NRG1: variants seen among roughly 807,000 people sequenced by gnomAD.
NRG1 encodes pro-neuregulin-1, membrane-bound isoform.
Under a neutral mutation model 63.8 loss-of-function variants are expected in NRG1, and 18 were observed. The ratio of observed to expected loss-of-function variants is 0.28; its 90% confidence interval spans 0.19 to 0.42. NRG1 has a LOEUF of 0.42. Among genes scored for constraint, NRG1 ranks in the 10% least tolerant of loss-of-function variants. The probability of loss-of-function intolerance (pLI) is 1.00; values close to 1 mark genes in which losing one functional copy is unlikely to be tolerated. For synonymous variants in NRG1, 302 were observed against 301.3 expected, an observed-to-expected ratio of 1.00 and a Z score of -0.02; for missense variants, 762 against 814.7, an observed-to-expected ratio of 0.94 and a Z score of 0.79.
intron 6 of NRG1, among the ~76,000 whole-genome samples, chr8:32,736,674 AATG>A (rs1825149183): frequency 6.6e-6 from 1 of 152,202 alleles, no homozygotes; most frequent in Non-Finnish European, 1.5e-5. Context: ...TTCACTGTGG[AATG>A]ATGACTAGAG....
intron 1 of NRG1, among the ~76,000 whole-genome samples, chr8:31,715,298 T>C (rs948137401): frequency 2.0e-5 from 3 of 152,048 alleles, no homozygotes; most frequent in African/African-American, 7.2e-5. Flanking sequence ...TAGATTTAGG[T>C]CAGAGATTGA....
chr8:32,722,030 G>T lies in NRG1; in HGVS notation c.503-5919G>T, dbSNP rs895870441. The T allele has an allele frequency of 9.7e-6, 15 of 1,548,058 alleles. No homozygotes were observed. The Admixed American group carries it at 2.6e-4, about 27-fold the overall frequency. On this transcript the variant is annotated intron_variant, in intron 5 of 11. Coordinates refer to ENST00000356819, the Ensembl canonical transcript of NRG1. ...GCAGATTCCTAAACACATAAGCATT[G>T]AAGATATTACAGGTAAGGTTAAAAA... is the stretch of plus-strand genomic sequence containing the variant.
chr8:31,859,137 G>A (rs192889252), intron 1 of NRG1, among the ~76,000 whole-genome samples: 53 of 152,128 alleles, frequency 3.5e-4, no homozygotes, highest in Admixed American at 7.9e-4. Context: ...ATCTAAAACC[G>A]CAATTACTTT....
At chr8:32,563,272 C>T (rs1314993080) in intron 1 of NRG1, among the ~76,000 whole-genome samples, 1 of 152,104 alleles carries the variant, frequency 6.6e-6, no homozygotes, top group African/African-American at 2.4e-5. Context: ...TTTAGAAAGC[C>T]TAAGGTATTT....
intron 5 of NRG1, among the ~76,000 whole-genome samples, chr8:32,719,801 G>A (rs1164290932): frequency 6.6e-6 from 1 of 151,836 alleles, no homozygotes; most frequent in Non-Finnish European, 1.5e-5. Context: ...TGTTTGTCCT[G>A]TAAAGTTCTC....
chr8:31,987,940 G>A (rs1810379146), intron 1 of NRG1, among the ~76,000 whole-genome samples: 1 of 152,094 alleles, frequency 6.6e-6, no homozygotes, highest in South Asian at 2.1e-4. Context: ...AAAGGATTAT[G>A]CTGTGATCTG....
intron 1 of NRG1, among the ~76,000 whole-genome samples, chr8:31,652,811 T>G (rs759438789): frequency 3.3e-5 from 5 of 152,196 alleles, no homozygotes; most frequent in Non-Finnish European, 7.3e-5. Context: ...GTGAAAAGTG[T>G]TGTATAATAC....
At chr8:32,087,996 T>C (rs113993538) in intron 1 of NRG1, among the ~76,000 whole-genome samples, 12 of 152,258 alleles carry the variant, frequency 7.9e-5, no homozygotes, top group African/African-American at 2.9e-4. Flanking sequence ...ACTATGGCCA[T>C]TTCCTATTCC....
chr8:31,959,786 AT>A (rs373803364), intron 1 of NRG1, among the ~76,000 whole-genome samples: 3,811 of 131,194 alleles, frequency 0.029, 149 homozygotes, highest in African/African-American at 0.1. Context: ...CCGATTATTT[AT>A]TTATTTATTA....
intron 1 of NRG1, among the ~76,000 whole-genome samples, chr8:32,427,340 T>A (rs1817512735): frequency 6.6e-6 from 1 of 152,172 alleles, no homozygotes; most frequent in Non-Finnish European, 1.5e-5. Context: ...AGATCCTCCA[T>A]CTCCACTTGG....
intron 1 of NRG1, among the ~76,000 whole-genome samples, chr8:32,253,810 C>G (rs1849383108): frequency 6.6e-6 from 1 of 152,156 alleles, no homozygotes; most frequent in Non-Finnish European, 1.5e-5. Context: ...GGCTGTGAAT[C>G]TGTCTGGTCT....
At chr8:32,732,776 G>A (rs1824017829) in intron 6 of NRG1, among the ~76,000 whole-genome samples, 1 of 146,814 alleles carries the variant, frequency 6.8e-6, no homozygotes, top group South Asian at 2.2e-4. Flanking sequence ...TGTTTTAACA[G>A]ACTGTGTTAT....
chr8:32,449,226 G>A (rs1242944581), intron 1 of NRG1, among the ~76,000 whole-genome samples: 5 of 152,098 alleles, frequency 3.3e-5, no homozygotes, highest in Non-Finnish European at 7.3e-5. Context: ...GAGCCTAGGA[G>A]TTTAGGGCTG....
At chr8:32,268,977 T>G (rs2129472257) in intron 1 of NRG1, among the ~76,000 whole-genome samples, 1 of 152,246 alleles carries the variant, frequency 6.6e-6, no homozygotes, top group South Asian at 2.1e-4. Context: ...CTAACTTAGC[T>G]CACAAGATGA....
At chr8:32,628,440 A>G (rs1479950472) in intron 5 of NRG1, among the ~76,000 whole-genome samples, 1 of 152,200 alleles carries the variant, frequency 6.6e-6, no homozygotes, top group African/African-American at 2.4e-5. Flanking sequence ...GAGAAAATAA[A>G]CTATACAAAG....
intron 1 of NRG1, among the ~76,000 whole-genome samples, chr8:32,573,717 A>G (rs1362309371): frequency 6.6e-6 from 1 of 152,024 alleles, no homozygotes; most frequent in Non-Finnish European, 1.5e-5. Flanking sequence ...TTTGTTACAT[A>G]TGTATACATG....
At chr8:31,831,964 C>T (rs962965947) in intron 1 of NRG1, among the ~76,000 whole-genome samples, 1 of 152,160 alleles carries the variant, frequency 6.6e-6, no homozygotes, top group African/African-American at 2.4e-5. Flanking sequence ...TTGTTACTCT[C>T]TTGCAAGACT....
chr8:32,458,534 C>A (rs759347251), intron 1 of NRG1, among the ~76,000 whole-genome samples: 5 of 152,126 alleles, frequency 3.3e-5, no homozygotes, highest in Non-Finnish European at 7.3e-5. Context: ...AAGTCTACCA[C>A]AACAAATATA....
At chr8:32,253,193 C>A (rs1849317785) in intron 1 of NRG1, among the ~76,000 whole-genome samples, 1 of 152,186 alleles carries the variant, frequency 6.6e-6, no homozygotes, top group Admixed American at 6.5e-5. Context: ...TTATTTCTTT[C>A]TCTTGCCTGA....
Sources: gnomAD v4.1 joint callset for allele counts (sites outside exome capture counted in the v4.1 genomes callset) on GRCh38, gnomAD v4.1.1 for gene constraint, MANE v1.5 for transcripts, NCBI Gene and HGNC (gene_info 2026-07-23, HGNC 2026-07-21) for gene names.